Variants in ASCC3 observed in about 807,000 individuals in gnomAD.
The protein encoded by ASCC3 is activating signal cointegrator 1 complex subunit 3.
Under a neutral mutation model 256.3 loss-of-function variants are expected in ASCC3, and 158 were observed. The ratio of observed to expected loss-of-function variants is 0.62; its 90% CI spans 0.54 to 0.70. The LOEUF is 0.70. Ranked by LOEUF, ASCC3 falls within the 30% of genes least tolerant of loss-of-function variation. ASCC3 has a pLI of 0.00. For synonymous variants in ASCC3, 948 were observed against 883.4 expected, an observed-to-expected ratio of 1.07 and a Z score of -1.30; for missense variants, 2,259 against 2,626.0, an observed-to-expected ratio of 0.86 and a Z score of 3.05.
intron 5 of ASCC3, among the ~76,000 whole-genome samples, chr6:100,805,470 C>T (rs940763033): frequency 5.3e-5 from 8 of 152,064 alleles, no homozygotes; most frequent in Non-Finnish European, 1.0e-4. Flanking sequence ...ACAATATACT[C>T]ATGCAACAAA....
At chr6:100,869,294 G>A (rs1341015649) in intron 1 of ASCC3, among the ~76,000 whole-genome samples, 5 of 152,136 alleles carry the variant, frequency 3.3e-5, no homozygotes, top group Admixed American at 3.3e-4. Flanking sequence ...TGGGAAAGGG[G>A]AGACATACAG....
At chr6:100,778,754 C>T (rs912906141) in intron 8 of ASCC3, among the ~76,000 whole-genome samples, 1 of 152,082 alleles carries the variant, frequency 6.6e-6, no homozygotes, top group Non-Finnish European at 1.5e-5. Flanking sequence ...AATCATGCAA[C>T]AGCCTCTAAA....
intron 4 of ASCC3, among the ~76,000 whole-genome samples, chr6:100,809,511 A>G (rs983067797): frequency 2.0e-5 from 3 of 152,102 alleles, no homozygotes; most frequent in Non-Finnish European, 4.4e-5. Context: ...TGTTGTATAT[A>G]GTCCGTCACT....
intron 13 of ASCC3, among the ~76,000 whole-genome samples, chr6:100,703,813 A>T (rs1778454281): frequency 6.6e-6 from 1 of 151,960 alleles, no homozygotes; most frequent in African/African-American, 2.4e-5. Context: ...CTGTTAACAA[A>T]GGAATGAATA....
intron 16 of ASCC3, among the ~76,000 whole-genome samples, chr6:100,660,651 G>A (rs981827562): frequency 2.4e-4 from 36 of 151,620 alleles, no homozygotes; most frequent in Admixed American, 1.3e-4. Context: ...AATTCTGGCA[G>A]TGAATACTCT....
intron 14 of ASCC3, among the ~76,000 whole-genome samples, chr6:100,667,202 T>C (rs1776518691): frequency 1.3e-5 from 2 of 152,176 alleles, no homozygotes; most frequent in Non-Finnish European, 2.9e-5. Flanking sequence ...TCTGATAGTT[T>C]GATCAAAGAA....
At chr6:100,663,665 T>C (rs184601609) in intron 14 of ASCC3, among the ~76,000 whole-genome samples, 2 of 152,100 alleles carry the variant, frequency 1.3e-5, no homozygotes, top group Non-Finnish European at 2.9e-5. Flanking sequence ...AACGAAATTG[T>C]ATGCTGAGGT....
At chr6:100,698,111 A>C (rs1458914831) in intron 13 of ASCC3, among the ~76,000 whole-genome samples, 1 of 152,092 alleles carries the variant, frequency 6.6e-6, no homozygotes, top group Non-Finnish European at 1.5e-5. Flanking sequence ...AACTGAATAC[A>C]CTTCAAAGAT....
At chr6:100,872,998 A>T (rs1230180946) in intron 1 of ASCC3, among the ~76,000 whole-genome samples, 1 of 152,116 alleles carries the variant, frequency 6.6e-6, no homozygotes, top group African/African-American at 2.4e-5. Context: ...CCCCCCAAAA[A>T]ATCACAGTAG....
chr6:100,701,882 G>C (rs1778373283), intron 13 of ASCC3, among the ~76,000 whole-genome samples: 1 of 152,020 alleles, frequency 6.6e-6, no homozygotes, highest in Non-Finnish European at 1.5e-5. Flanking sequence ...AAAGCCCCAA[G>C]AAAAGTAAAA....
intron 10 of ASCC3, among the ~76,000 whole-genome samples, chr6:100,750,978 T>G (rs1780909539): frequency 6.6e-6 from 1 of 152,042 alleles, no homozygotes; most frequent in Non-Finnish European, 1.5e-5. Flanking sequence ...TACAACATAC[T>G]GTGAGGAATT....
At chr6:100,669,446 A>G (rs1776635886) in intron 14 of ASCC3, among the ~76,000 whole-genome samples, 1 of 151,398 alleles carries the variant, frequency 6.6e-6, no homozygotes, top group Non-Finnish European at 1.5e-5. Context: ...ATATTGCTGA[A>G]GAACATTCAA....
intron 14 of ASCC3, among the ~76,000 whole-genome samples, chr6:100,670,453 C>T (rs117954326): frequency 0.015 from 2,345 of 151,956 alleles, 23 homozygotes; most frequent in East Asian, 0.045. Flanking sequence ...CTCTAGATTA[C>T]TTATAATACC....
intron 30 of ASCC3, among the ~76,000 whole-genome samples, chr6:100,617,482 T>C (rs1487190107): frequency 1.3e-5 from 2 of 152,208 alleles, no homozygotes; most frequent in Non-Finnish European, 2.9e-5. Context: ...TTGCTAGATG[T>C]TAAATTATAA....
intron 13 of ASCC3, among the ~76,000 whole-genome samples, chr6:100,690,275 A>G (rs559618118): frequency 2.6e-5 from 4 of 152,146 alleles, no homozygotes; most frequent in South Asian, 2.1e-4. Context: ...AAAAAAGTCT[A>G]CGTGTCCAGT....
chr6:100,725,758 G>C, intron 10 of ASCC3, 55 bp from the exon 11 acceptor site: 3 of 1,581,218 alleles, frequency 1.9e-6, no homozygotes, highest in Non-Finnish European at 2.6e-6. Context: ...ATTTAACATT[G>C]AACTGTGATA....
At chr6:100,586,450 G>A (rs578119874) in intron 36 of ASCC3, among the ~76,000 whole-genome samples, 2 of 152,236 alleles carry the variant, frequency 1.3e-5, no homozygotes, top group South Asian at 4.1e-4. Context: ...TGCAGTATTC[G>A]GGTGGGAGCG....
chr6:100,589,007 C>T (rs796678354), intron 36 of ASCC3, among the ~76,000 whole-genome samples: 21 of 151,714 alleles, frequency 1.4e-4, no homozygotes, highest in African/African-American at 5.1e-4. Context: ...CACTTAAAAT[C>T]AACAAAGGGA....
At chr6:100,872,023 C>T (rs141264888) in intron 1 of ASCC3, among the ~76,000 whole-genome samples, 1 of 152,106 alleles carries the variant, frequency 6.6e-6, no homozygotes, top group Admixed American at 6.5e-5. Flanking sequence ...AAAATGTATT[C>T]AAGATAACTA....
Sources: allele counts gnomAD v4.1 joint callset (sites outside exome capture counted in the v4.1 genomes callset), GRCh38; gene constraint gnomAD v4.1.1; transcripts MANE v1.5; gene names NCBI Gene and HGNC (gene_info 2026-07-23, HGNC 2026-07-21).